Variants in ZBTB7C observed in about 807,000 individuals in gnomAD.
The protein encoded by ZBTB7C is zinc finger and BTB domain-containing protein 7C.
Under a neutral mutation model 25.7 loss-of-function variants are expected in ZBTB7C, and 8 were observed. The ratio of observed to expected loss-of-function variants is 0.31; its 90% CI spans 0.18 to 0.56. The LOEUF (loss-of-function observed/expected upper bound fraction) is 0.56. ZBTB7C is among the 20% of genes least tolerant of loss of function. The pLI is 0.91. For missense variants in ZBTB7C, 824 were observed against 855.2 expected (o/e 0.96, Z 0.46); for synonymous variants, 394 against 369.0 (o/e 1.07, Z -0.78).
At chr18:48,199,112 G>A (rs557443008) in intron 2 of ZBTB7C, among the ~76,000 whole-genome samples, 3 of 152,312 alleles carry the variant, frequency 2.0e-5, no homozygotes, top group East Asian at 3.9e-4. Context: ...TCTGTGTTCC[G>A]ATTTTTGCAG....
intron 1 of ZBTB7C, among the ~76,000 whole-genome samples, chr18:48,397,779 T>C (rs565075817): frequency 6.6e-6 from 1 of 152,358 alleles, no homozygotes; most frequent in Admixed American, 6.5e-5. Context: ...AGCTTATATA[T>C]GTCTTGCATA....
chr18:48,406,191 G>A (rs1434656904), intron 1 of ZBTB7C, among the ~76,000 whole-genome samples: 1 of 152,128 alleles, frequency 6.6e-6, no homozygotes, highest in Admixed American at 6.5e-5. Flanking sequence ...AGTTCCCACA[G>A]CCTGCTATGA....
chr18:48,114,684 A>C (rs1016465345), intron 3 of ZBTB7C, among the ~76,000 whole-genome samples: 1 of 152,166 alleles, frequency 6.6e-6, no homozygotes, highest in Admixed American at 6.5e-5. Context: ...TACTGACCCC[A>C]AAAATGGGTA....
chr18:48,215,437 C>T (rs572480870), intron 2 of ZBTB7C, among the ~76,000 whole-genome samples: 1 of 152,278 alleles, frequency 6.6e-6, no homozygotes, highest in Non-Finnish European at 1.5e-5. Flanking sequence ...CATAAGACAT[C>T]AATCAATATA....
intron 2 of ZBTB7C, among the ~76,000 whole-genome samples, chr18:48,292,444 T>C (rs1265540782): frequency 6.6e-6 from 1 of 152,136 alleles, no homozygotes; most frequent in Non-Finnish European, 1.5e-5. Context: ...ATGGCCTCTC[T>C]GACCTCCAAG....
intron 3 of ZBTB7C, chr18:48,185,338 C>G: frequency 4.4e-6 from 2 of 449,580 alleles, no homozygotes; most frequent in South Asian, 3.2e-5. Context: ...TCATAAAGTT[C>G]TTTGTCTCAT....
chr18:48,385,346 G>C (rs2047725028), intron 1 of ZBTB7C, among the ~76,000 whole-genome samples: 1 of 152,148 alleles, frequency 6.6e-6, no homozygotes. Context: ...GTCCTGCAGT[G>C]CGTGGCCATT....
At chr18:48,325,875 T>C (rs2046206423) in intron 2 of ZBTB7C, among the ~76,000 whole-genome samples, 1 of 152,108 alleles carries the variant, frequency 6.6e-6, no homozygotes, top group South Asian at 2.1e-4. Context: ...GTGTAGGCCA[T>C]GGCCATTCCT....
chr18:48,069,714 T>C (rs1173359543), intron 3 of ZBTB7C, among the ~76,000 whole-genome samples: 1 of 152,072 alleles, frequency 6.6e-6, no homozygotes, highest in African/African-American at 2.4e-5. Flanking sequence ...TCCAGGGATA[T>C]GCTCTTAACC....
chr18:48,213,568 A>G (rs2042752624), intron 2 of ZBTB7C, among the ~76,000 whole-genome samples: 1 of 152,220 alleles, frequency 6.6e-6, no homozygotes, highest in African/African-American at 2.4e-5. Context: ...TTGGCATCTC[A>G]TTGCTCTTGA....
chr18:48,381,411 A>G (rs1412145267), intron 1 of ZBTB7C, among the ~76,000 whole-genome samples: 1 of 152,240 alleles, frequency 6.6e-6, no homozygotes, highest in Admixed American at 6.5e-5. Flanking sequence ...TAACTGGTAG[A>G]GATCCAGAGG....
At chr18:48,280,848 C>CTTTTTTTTTTTTTTTTTTTTTTTTTTTT (rs55760047) in intron 2 of ZBTB7C, among the ~76,000 whole-genome samples, 1 of 79,892 alleles carries the variant, frequency 1.3e-5, no homozygotes, top group Non-Finnish European at 2.5e-5. Flanking sequence ...TTTTCTCTCT[C>CTTTTTTTTTTTTTTTTTTTTTTTTTTTT]TTTTTTTTTT....
chr18:48,376,507 G>C (rs941417730), intron 1 of ZBTB7C, among the ~76,000 whole-genome samples: 2 of 152,170 alleles, frequency 1.3e-5, no homozygotes, highest in African/African-American at 4.8e-5. Context: ...CCCATGGCCA[G>C]GCCCTATTGC....
rs142759809 is a variant in ZBTB7C, at chr18:48,042,570, C to T, written c.-16-1447G>A. Reference sequence around the variant, plus strand: ...GGGGAGGGGAGGAGTGAGAAGTATACGCTCATAAAGTGTGAGTGGGCACTG... The same window carrying T: ...GGGGAGGGGAGGAGTGAGAAGTATATGCTCATAAAGTGTGAGTGGGCACTG... On this transcript the variant is annotated intron_variant, in intron 3 of 4. Transcript: ENST00000590800. 3.4e-4 allele frequency among the ~76,000 whole-genome samples: 52 copies of T among 152,208 alleles called. No individual in the cohort carries two copies. The East Asian group carries it at 4.8e-3, about 14-fold the overall frequency.
chr18:48,158,254 G>A (rs1354095056), intron 3 of ZBTB7C, among the ~76,000 whole-genome samples: 1 of 152,216 alleles, frequency 6.6e-6, no homozygotes, highest in East Asian at 1.9e-4. Flanking sequence ...GGAACGACAG[G>A]TGATTTGCTT....
chr18:48,069,455 C>A (rs910916884), intron 3 of ZBTB7C, among the ~76,000 whole-genome samples: 14 of 152,188 alleles, frequency 9.2e-5, no homozygotes, highest in Non-Finnish European at 2.1e-4. Flanking sequence ...TTCTCCCTTT[C>A]TTCTGTGTCT....
intron 2 of ZBTB7C, among the ~76,000 whole-genome samples, chr18:48,286,269 T>C (rs1046583194): frequency 2.6e-5 from 4 of 151,466 alleles, no homozygotes; most frequent in African/African-American, 9.7e-5. Flanking sequence ...TGTGTGTGTA[T>C]TAGTTCTTTG....
Position 48,116,652 on chromosome 18 carries a change from C to G in ZBTB7C, c.-17+69282G>C, listed in dbSNP as rs1452544658. Among the ~76,000 whole-genome samples the G allele has an allele frequency of 3.9e-5, 6 of 152,104 alleles. No homozygotes were observed. The East Asian group carries it at 1.2e-3, about 30-fold the overall frequency. ...GGCTCTCTTATATTCCTGCCAACTG[C>G]TTGGGGGGCCTCCTCAGCTCTGCTG... On this transcript the variant is annotated intron_variant, in intron 3 of 4. Coordinates refer to ENST00000590800, the MANE Select transcript of ZBTB7C (RefSeq NM_001318841.2).
rs111948400 is a variant in ZBTB7C, at chr18:48,320,264, G to A, written c.-79+17910C>T. On this transcript the variant is annotated intron_variant, in intron 2 of 4. Transcript: ENST00000590800. ...GCACAGGGGGTTCAGTGTGGCGGGAGTGGAGCGAGGGGGAAGTGGGTAGAT... is the reference window on the plus strand; with the variant it reads ...GCACAGGGGGTTCAGTGTGGCGGGAATGGAGCGAGGGGGAAGTGGGTAGAT... 5.4e-3 allele frequency among the ~76,000 whole-genome samples: 829 copies of A among 152,342 alleles called. 7 individuals carry two copies. The highest frequency in any genetic ancestry group is 0.019 in the African/African-American group (796 of 41,564).
Sources: gnomAD v4.1 joint callset for allele counts (sites outside exome capture counted in the v4.1 genomes callset) on GRCh38, gnomAD v4.1.1 for gene constraint, MANE v1.5 for transcripts, NCBI Gene and HGNC (gene_info 2026-07-23, HGNC 2026-07-21) for gene names.